NCOR1: variants seen among roughly 807,000 people sequenced by gnomAD.
NCOR1 encodes the protein protein phosphatase 1, regulatory subunit 109.
Under a neutral mutation model 288.1 loss-of-function variants are expected in NCOR1, and 63 were observed. The observed-to-expected ratio is 0.22, with a 90% CI of 0.18 to 0.27. NCOR1 has a LOEUF of 0.27. Among genes scored for constraint, NCOR1 ranks in the 10% least tolerant of loss-of-function variants. NCOR1 has a pLI of 1.00. For synonymous variants in NCOR1, 1,007 were observed against 1,065.9 expected, an observed-to-expected ratio of 0.94 and a Z score of 1.08; for missense variants, 2,397 against 3,019.2, an observed-to-expected ratio of 0.79 and a Z score of 4.83.
chr17:16,168,755 G>A (rs1022897508), intron 4 of NCOR1, among the ~76,000 whole-genome samples: 6 of 151,940 alleles, frequency 3.9e-5, no homozygotes, highest in African/African-American at 1.4e-4. Context: ...CAGATCACCT[G>A]AGGTCAGGAG....
At chr17:16,172,435 T>A (rs2083296041) in intron 3 of NCOR1, among the ~76,000 whole-genome samples, 1 of 152,206 alleles carries the variant, frequency 6.6e-6, no homozygotes, top group African/African-American at 2.4e-5. Flanking sequence ...TTGCAGAAAG[T>A]TTAGTTGCTG....
intron 31 of NCOR1, 49 bp from the exon 32 acceptor site, chr17:16,068,170 T>G (rs779722093): frequency 1.4e-6 from 2 of 1,380,664 alleles, no homozygotes; most frequent in South Asian, 2.5e-5. Flanking sequence ...CTTGCAAGTA[T>G]GATAATATTT....
chr17:16,038,779 GTA>G (rs1339957540), intron 44 of NCOR1, among the ~76,000 whole-genome samples: 7 of 151,660 alleles, frequency 4.6e-5, no homozygotes, highest in Admixed American at 4.6e-4. Context: ...GTCTGTGTAT[GTA>G]TGTATTTTGA....
Position 16,127,182 on chromosome 17 carries a change from T to C in NCOR1, c.1510-976A>G, listed in dbSNP as rs376493615. Reference sequence around the variant, plus strand: ...ATGTATATATACATGTATGTATATATCTGTATGTATATATACATGTATGTA... The same window carrying C: ...ATGTATATATACATGTATGTATATACCTGTATGTATATATACATGTATGTA... On this transcript the variant is annotated intron_variant, in intron 14 of 45. Coordinates refer to ENST00000268712, the MANE Select transcript of NCOR1 (RefSeq NM_006311.4). 3.8e-5 allele frequency among the ~76,000 whole-genome samples: 5 copies of C among 130,406 alleles called. No individual in the cohort carries two copies. In the East Asian group the frequency reaches 8.7e-4, roughly 23 times the overall value. The allele number at this position is 130,406 out of a possible 152,430, so 85.6% of individuals were successfully genotyped here. A position where few individuals can be genotyped will look rare whatever the true frequency, so the allele number is the denominator to read the frequency against.
chr17:16,095,147 T>C (rs2066178958), intron 21 of NCOR1, among the ~76,000 whole-genome samples: 1 of 146,962 alleles, frequency 6.8e-6, no homozygotes, highest in South Asian at 2.2e-4. Flanking sequence ...CGCCATCCCA[T>C]CTAGGAAGTG....
chr17:16,063,893 C>T (rs1161653007), intron 35 of NCOR1, among the ~76,000 whole-genome samples, 175 bp downstream of exon 35: 3 of 152,206 alleles, frequency 2.0e-5, no homozygotes, highest in Non-Finnish European at 2.9e-5. Flanking sequence ...GTAAAATTCA[C>T]GTTTCCACCA....
intron 15 of NCOR1, among the ~76,000 whole-genome samples, chr17:16,125,676 T>C (rs943685363): frequency 3.9e-5 from 5 of 126,734 alleles, no homozygotes; most frequent in Non-Finnish European, 7.8e-5. Flanking sequence ...CACTCCAGCC[T>C]GGGCAACAGA....
At chr17:16,193,356 G>A (rs796623887) in intron 2 of NCOR1, among the ~76,000 whole-genome samples, 2 of 151,648 alleles carry the variant, frequency 1.3e-5, no homozygotes, top group Admixed American at 6.6e-5. Flanking sequence ...TCAGCCTCCC[G>A]AGTGGCTAGG....
chr17:16,175,678 G>T (rs2084017508), intron 3 of NCOR1, among the ~76,000 whole-genome samples: 1 of 151,884 alleles, frequency 6.6e-6, no homozygotes, highest in African/African-American at 2.4e-5. Context: ...GCTTGATGCT[G>T]GGAGTTTGAG....
At chr17:16,167,848 A>C (rs991588760) in intron 4 of NCOR1, among the ~76,000 whole-genome samples, 6 of 122,402 alleles carry the variant, frequency 4.9e-5, no homozygotes, top group African/African-American at 1.5e-4. Context: ...TGATAGAAGA[A>C]GACTCCATCT....
rs2059828955 is a variant in NCOR1 at position 16,055,643 on chromosome 17, A to G, written c.6392+1871T>C. On this transcript the variant is annotated intron_variant, in intron 40 of 45. Transcript: ENST00000268712. The stretch of plus-strand genomic sequence containing the variant: ...CCCACGACTCAAGTTTACCTATATA[A>G]TAAACCTGCACATGTACTCCTGAAC... Among the ~76,000 whole-genome samples the G allele has an allele frequency of 2.0e-5, 3 of 152,224 alleles. No individual in the cohort carries two copies. In the South Asian group the frequency reaches 6.2e-4, roughly 32 times the overall value.
chr17:16,041,401 GTTC>G lies in NCOR1; in HGVS notation c.6680-910_6680-908del, dbSNP rs1428016554. On this transcript the variant is annotated intron_variant, in intron 42 of 45. Coordinates refer to ENST00000268712, the MANE Select transcript of NCOR1 (RefSeq NM_006311.4). Reference sequence around the variant, plus strand: ...ATGATGTGTCCCAAAGAATGTGAAAGTTCTTTTTTTTTTTTTTTTTTCCTTTGA... The same window carrying G: ...ATGATGTGTCCCAAAGAATGTGAAAGTTTTTTTTTTTTTTTTTTCCTTTGA... The G allele has an allele frequency of 3.7e-4, 28 of 75,576 alleles. 1 individual carries two copies. Among genetic ancestry groups the G allele is most frequent in the African/African-American group, 1.4e-3 (27 of 19,158 alleles). The allele number at this position is 75,576 out of a possible 1,614,324, so 4.7% of individuals were successfully genotyped here.
Position 16,067,977 on chromosome 17 carries a change from C to G in NCOR1, c.4658G>C (p.Gly1553Ala), listed in dbSNP as rs1169396073. The G allele has an allele frequency of 6.2e-7, 1 of 1,614,204 alleles. No homozygotes were observed. The highest frequency in any genetic ancestry group is 2.2e-5 in the East Asian group (1 of 44,892). ...CCGATAAACCTCGCCTGCAGTGCTG[C>G]CTCTGTGATGGGGATCAAACGGACT... is the stretch of plus-strand genomic sequence containing the variant. ...SHSPFDPHHR[G>A]STAGEVYRSH... The change falls in exon 32 of 46, where the codon GGC becomes GCC. Residue 1553 changes from glycine to alanine, a missense_variant. Gly to Ala is a moderately conservative substitution (Grantham distance 60). Coordinates refer to ENST00000268712, the MANE Select transcript of NCOR1 (RefSeq NM_006311.4).
At chr17:16,053,831 G>A (rs1303230144) in intron 40 of NCOR1, among the ~76,000 whole-genome samples, 3 of 151,864 alleles carry the variant, frequency 2.0e-5, no homozygotes, top group Non-Finnish European at 4.4e-5. Context: ...GCATTGTATT[G>A]GTACAAAGAT....
At chr17:16,093,741 T>C (rs951555334) in intron 21 of NCOR1, among the ~76,000 whole-genome samples, 1 of 152,226 alleles carries the variant, frequency 6.6e-6, no homozygotes, top group African/African-American at 2.4e-5. Context: ...CTCCTTTTGC[T>C]ATAACGCCAA....
chr17:16,205,448 C>A (rs1359287901), intron 1 of NCOR1, among the ~76,000 whole-genome samples: 1 of 150,054 alleles, frequency 6.7e-6, no homozygotes, highest in Non-Finnish European at 1.5e-5. Flanking sequence ...CATGGTGAAA[C>A]CCCATCTCTA....
intron 18 of NCOR1, among the ~76,000 whole-genome samples, 170 bp downstream of exon 18, chr17:16,117,718 G>A (rs890863701): frequency 1.1e-4 from 16 of 152,094 alleles, no homozygotes; most frequent in African/African-American, 3.1e-4. Context: ...AGCTACTCGG[G>A]AGGCTGAGGC....
chr17:16,213,307 A>G (rs1463711997), intron 1 of NCOR1, among the ~76,000 whole-genome samples: 1 of 151,534 alleles, frequency 6.6e-6, no homozygotes, highest in African/African-American at 2.4e-5. Context: ...CCTGGCTAAC[A>G]CGGTGAAACC....
At chr17:16,095,509 C>G (rs111631027) in intron 21 of NCOR1, among the ~76,000 whole-genome samples, 1 of 131,598 alleles carries the variant, frequency 7.6e-6, no homozygotes, top group Non-Finnish European at 1.7e-5. Context: ...GCCCCCTGCC[C>G]GGCCAGCCGC....
Sources: gnomAD v4.1 joint callset for allele counts (sites outside exome capture counted in the v4.1 genomes callset) on GRCh38, gnomAD v4.1.1 for gene constraint, MANE v1.5 for transcripts, NCBI Gene and HGNC (gene_info 2026-07-23, HGNC 2026-07-21) for gene names.